Variants in ZBTB7B observed in about 807,000 individuals in gnomAD.
The protein encoded by ZBTB7B is zinc finger and BTB domain-containing protein 7B.
Under a neutral mutation model 31.0 loss-of-function variants are expected in ZBTB7B, and 8 were observed. The observed-to-expected ratio is 0.26, with a 90% CI of 0.15 to 0.47. The LOEUF (loss-of-function observed/expected upper bound fraction) is 0.47, where lower values mean the gene tolerates loss of function less well. Among genes scored for constraint, ZBTB7B ranks in the 20% least tolerant of loss-of-function variants. The pLI is 0.99. For missense variants in ZBTB7B, 494 were observed against 742.4 expected (o/e 0.67, Z 3.89); for synonymous variants, 261 against 307.3 (o/e 0.85, Z 1.58).
At position 155,004,907 on chromosome 1, in the gene ZBTB7B, T is replaced by G. The variant is rs944743011; in HGVS notation, c.-7+1964T>G. ...GGGGTTAATACCACCAGAATGGGGC[T>G]CTGGGGAAGAAAGAAGGCAGTGCCC... is the stretch of plus-strand genomic sequence containing the variant. On this transcript the variant is annotated intron_variant, in intron 1 of 2. Coordinates refer to ENST00000535420, the MANE Select transcript of ZBTB7B (RefSeq NM_001256455.2). The surrounding 1 kb of genome is among the most constrained non-coding windows in gnomAD (Gnocchi z 4.0). Among the ~76,000 whole-genome samples the G allele has an allele frequency of 4.0e-4, 61 of 152,146 alleles. No homozygotes were observed. The highest frequency in any genetic ancestry group is 1.4e-3 in the African/African-American group (57 of 41,408).
At chr1:155,014,566 C>T in intron 1 of ZBTB7B, 89 bp from the exon 2 acceptor site, 1 of 1,200,866 alleles carries the variant, frequency 8.3e-7, no homozygotes, top group Non-Finnish European at 1.2e-6. Flanking sequence ...TGCAGTCATC[C>T]CTCAATAAGT....
rs2102319578 is a variant in ZBTB7B, at chr1:155,016,826, T to G, written c.*141T>G. On this transcript the variant is annotated 3_prime_UTR_variant, in exon 3 of 3. Transcript: ENST00000535420. The surrounding 1 kb of genome is among the most constrained non-coding windows in gnomAD (Gnocchi z 4.3). ...GCATCAGCCCTTCCTCCCAGAGCCC[T>G]CATTCCAATTCCAAGCTAAGAAGGT... 2 of 600,996 alleles carry G rather than the reference T, an allele frequency of 3.3e-6. No homozygotes were observed. The highest frequency in any genetic ancestry group is 5.9e-6 in the Non-Finnish European group (2 of 341,038). The allele number at this position is 600,996 out of a possible 1,614,324, so 37.2% of individuals were successfully genotyped here.
chr1:155,012,019 C>G (rs1659021953), intron 1 of ZBTB7B, among the ~76,000 whole-genome samples: 1 of 152,184 alleles, frequency 6.6e-6, no homozygotes, highest in Admixed American at 6.5e-5. Flanking sequence ...CCCTCTCCTT[C>G]CCACACATGT....
chr1:155,005,241 G>C (rs1391858527), intron 1 of ZBTB7B, among the ~76,000 whole-genome samples: 3 of 152,070 alleles, frequency 2.0e-5, no homozygotes, highest in African/African-American at 7.2e-5. Flanking sequence ...TCTGGGGTGG[G>C]GACAGTGAAG....
chr1:155,015,088 G>A lies in ZBTB7B; in HGVS notation c.428G>A (p.Gly143Asp). The change falls in exon 2 of 3, where the codon GGC becomes GAC. Residue 143 changes from glycine to aspartate, a missense_variant. Gly to Asp is a moderately conservative substitution (Grantham distance 94). Transcript: ENST00000535420. ...VIAACMEILQ[G>D]SGLEAPSPDE... The stretch of plus-strand genomic sequence containing the variant: ...GCTGCTTGCATGGAGATTCTGCAGG[G>A]CAGTGGGCTAGAAGCTCCCAGCCCG... 1.2e-6 allele frequency: 2 copies of A among 1,613,728 alleles called. No homozygotes were observed. The highest frequency in any genetic ancestry group is 1.7e-6 in the Non-Finnish European group (2 of 1,180,030).
intron 1 of ZBTB7B, among the ~76,000 whole-genome samples, chr1:155,012,939 A>G (rs972841825): frequency 6.6e-5 from 10 of 152,012 alleles, no homozygotes; most frequent in African/African-American, 2.4e-4. Context: ...TTAATATTAC[A>G]TATGAGGAAC....
chr1:155,018,425 G>A lies in ZBTB7B; in HGVS notation c.*1740G>A. On this transcript the variant is annotated 3_prime_UTR_variant, in exon 3 of 3. Coordinates refer to ENST00000535420, the MANE Select transcript of ZBTB7B (RefSeq NM_001256455.2). ...TCGGCTTTCCCAGTCAGTGCCTTAG[G>A]GGGAGAGGCACTCCCCCCCTCCTAT... 1 of 1,028,208 alleles carries A rather than the reference G, an allele frequency of 9.7e-7. No homozygotes were observed. The highest frequency in any genetic ancestry group is 1.4e-6 in the Non-Finnish European group (1 of 710,376). 63.7% of individuals were successfully genotyped at this position (1,028,208 alleles called of 1,614,324 possible). A position where few individuals can be genotyped will look rare whatever the true frequency, so the allele number is the denominator to read the frequency against.
Position 155,004,640 on chromosome 1 carries a change from ATAGT to A in ZBTB7B, c.-7+1702_-7+1705del, listed in dbSNP as rs751242196. Among the ~76,000 whole-genome samples the A allele has an allele frequency of 9.2e-5, 14 of 152,104 alleles. No homozygotes were observed. The highest frequency in any genetic ancestry group is 2.1e-4 in the South Asian group (1 of 4,832). On this transcript the variant is annotated intron_variant, in intron 1 of 2. Coordinates refer to ENST00000535420, the MANE Select transcript of ZBTB7B (RefSeq NM_001256455.2). This position sits in a 1 kb window ranked among gnomAD's most constrained non-coding sequence, Gnocchi z 4.0. ...ACATATGTGTGACTATGTCTGGATGATAGTTAGTGTTCCTCCTTAGTGGTAACTG... is the reference window on the plus strand; with the variant it reads ...ACATATGTGTGACTATGTCTGGATGATAGTGTTCCTCCTTAGTGGTAACTG...
chr1:155,003,773 G>T lies in ZBTB7B; in HGVS notation c.-7+830G>T, dbSNP rs1158211300. Among the ~76,000 whole-genome samples, 4 of 152,210 alleles carry T rather than the reference G, an allele frequency of 2.6e-5. No homozygotes were observed. The highest frequency in any genetic ancestry group is 5.9e-5 in the Non-Finnish European group (4 of 68,026). ...TGTTGTTGTAGAACCTACAGAGTGC[G>T]CCTGGCAGAAGGCTGCCATTCAAAG... On this transcript the variant is annotated intron_variant, in intron 1 of 2. Transcript: ENST00000535420. The surrounding 1 kb of genome is among the most constrained non-coding windows in gnomAD (Gnocchi z 5.8).
chr1:155,007,117 C>T (rs1004861323), intron 1 of ZBTB7B, among the ~76,000 whole-genome samples: 6 of 152,226 alleles, frequency 3.9e-5, no homozygotes, highest in Non-Finnish European at 7.3e-5. Flanking sequence ...TGTGGGTACC[C>T]TCTGCATCCC....
upstream of ZBTB7B, among the ~76,000 whole-genome samples, chr1:155,001,798 C>T (rs1658236792): frequency 6.6e-6 from 1 of 151,722 alleles, no homozygotes. The surrounding 1 kb of genome is among the most constrained non-coding windows in gnomAD (Gnocchi z 4.8). Context: ...GGGGCACCGT[C>T]ACGCGTGGGG....
At chr1:155,013,860 G>A (rs1315975032) in intron 1 of ZBTB7B, among the ~76,000 whole-genome samples, 4 of 152,096 alleles carry the variant, frequency 2.6e-5, no homozygotes, top group African/African-American at 9.7e-5. Context: ...GGGAGGATGT[G>A]GGGGGAGGGA....
Position 155,018,454 on chromosome 1 carries a change from C to T in ZBTB7B, c.*1769C>T, listed in dbSNP as rs1040395421. On this transcript the variant is annotated 3_prime_UTR_variant, in exon 3 of 3. Transcript: ENST00000535420. ...AGAGGCACTCCCCCCCTCCTATTCC[C>T]TTCCCCCCACCCCAACTCCCCCACC... is the stretch of plus-strand genomic sequence containing the variant. 7 of 1,344,252 alleles carry T rather than the reference C, an allele frequency of 5.2e-6. No individual in the cohort carries two copies. Among genetic ancestry groups the T allele is most frequent in the African/African-American group, 4.4e-5 (3 of 68,616 alleles). The allele number at this position is 1,344,252 out of a possible 1,614,324, so 83.3% of individuals were successfully genotyped here.
rs112344141 is a variant in ZBTB7B, at chr1:155,010,560, T to G, written c.-6-4095T>G. Among the ~76,000 whole-genome samples, 6,014 of 152,138 alleles carry G rather than the reference T, an allele frequency of 0.04. 126 individuals are homozygous for G. The highest frequency in any genetic ancestry group is 0.11 in the Middle Eastern group (33 of 294). On this transcript the variant is annotated intron_variant, in intron 1 of 2. Coordinates refer to ENST00000535420, the MANE Select transcript of ZBTB7B (RefSeq NM_001256455.2). The stretch of plus-strand genomic sequence containing the variant: ...TTCTTTGAAGCCCTTCTAGTCCTCA[T>G]GTGAGAAGAGGCTCAGCCCCTTTAC...
In ZBTB7B at chr1:155,018,463, A is replaced by C. The variant is rs1571537233; in HGVS notation, c.*1778A>C. The stretch of plus-strand genomic sequence containing the variant: ...CCCCCCCTCCTATTCCCTTCCCCCC[A>C]CCCCAACTCCCCCACCTCGGGTGTA... On this transcript the variant is annotated 3_prime_UTR_variant, in exon 3 of 3. Transcript: ENST00000535420. 22 of 1,320,098 alleles carry C rather than the reference A, an allele frequency of 1.7e-5. No individual in the cohort carries two copies. Among genetic ancestry groups the C allele is most frequent in the Non-Finnish European group, 1.0e-5 (10 of 966,078 alleles). 81.8% of individuals were successfully genotyped at this position (1,320,098 alleles called of 1,614,324 possible).
intron 1 of ZBTB7B, among the ~76,000 whole-genome samples, chr1:155,005,219 G>A (rs1357417120): frequency 2.6e-5 from 4 of 152,096 alleles, no homozygotes; most frequent in African/African-American, 9.7e-5. Flanking sequence ...GCAGGCATGG[G>A]GGGCGGAGCG....
chr1:155,012,243 G>T (rs1558087927), intron 1 of ZBTB7B, among the ~76,000 whole-genome samples: 2 of 144,356 alleles, frequency 1.4e-5, no homozygotes, highest in Non-Finnish European at 3.1e-5. Context: ...AAGGAGGCGG[G>T]TTTAGCAGCG....
In ZBTB7B at chr1:155,016,283, C is replaced by T. The variant is rs752857426; in HGVS notation, c.1218C>T (p.His406=). The T allele has an allele frequency of 6.2e-7, 1 of 1,614,070 alleles. No individual in the cohort carries two copies. Among genetic ancestry groups the T allele is most frequent in the East Asian group, 2.2e-5 (1 of 44,888 alleles). ...GAGAGCGCCCCTACTCATGCCCGCA[C>T]TGCCCAGCCCGCTTCCTGCACAGCT... ...HTGERPYSCP[H]CPARFLHSYD... The change falls in exon 3 of 3, where the codon CAC becomes CAT. Residue 406 remains histidine, a synonymous_variant. Transcript: ENST00000535420. This position sits in a 1 kb window ranked among gnomAD's most constrained non-coding sequence, Gnocchi z 4.3.
At chr1:155,012,240 C>T (rs1195652518) in intron 1 of ZBTB7B, among the ~76,000 whole-genome samples, 2 of 141,500 alleles carry the variant, frequency 1.4e-5, no homozygotes, top group Admixed American at 6.9e-5. Flanking sequence ...AGAAAGGAGG[C>T]GGGTTTAGCA....
Sources: allele counts gnomAD v4.1 joint callset (sites outside exome capture counted in the v4.1 genomes callset), GRCh38; gene constraint gnomAD v4.1.1; non-coding constraint Gnocchi (gnomAD v3.1); transcripts MANE v1.5; gene names NCBI Gene and HGNC (gene_info 2026-07-23, HGNC 2026-07-21).